The following ADAMTSL3 variants were observed in gnomAD, a reference collection of about 807,000 sequenced individuals.
The protein encoded by ADAMTSL3 is ADAMTS-like protein 3.
Under a neutral mutation model 201.7 loss-of-function variants are expected in ADAMTSL3, and 128 were observed. The observed-to-expected ratio is 0.63, with a 90% CI of 0.55 to 0.73. The LOEUF is 0.73. ADAMTSL3 is among the 30% of genes least tolerant of loss of function. The pLI is 0.00. For synonymous variants in ADAMTSL3, 738 were observed against 748.4 expected, an observed-to-expected ratio of 0.99 and a Z score of 0.23; for missense variants, 1,990 against 2,119.6, an observed-to-expected ratio of 0.94 and a Z score of 1.20.
chr15:84,020,056 C>T (rs1417453611), intron 25 of ADAMTSL3, among the ~76,000 whole-genome samples: 1 of 152,054 alleles, frequency 6.6e-6, no homozygotes, highest in Non-Finnish European at 1.5e-5. Context: ...GAAAATATTA[C>T]ATCCCTTGCT....
chr15:84,015,941 A>G (rs1437405393), intron 24 of ADAMTSL3, among the ~76,000 whole-genome samples: 1 of 152,156 alleles, frequency 6.6e-6, no homozygotes, highest in Non-Finnish European at 1.5e-5. Flanking sequence ...TTCCTCCACC[A>G]TCCTCTGCTC....
At chr15:83,712,255 G>A (rs1479332462) in intron 3 of ADAMTSL3, among the ~76,000 whole-genome samples, 1 of 152,114 alleles carries the variant, frequency 6.6e-6, no homozygotes, top group Non-Finnish European at 1.5e-5. Context: ...TTTATCCTTT[G>A]TTTATTGATT....
intron 2 of ADAMTSL3, among the ~76,000 whole-genome samples, chr15:83,695,242 G>T (rs371598424): frequency 3.5e-5 from 1 of 28,510 alleles, no homozygotes; most frequent in Non-Finnish European, 8.6e-5. Context: ...GTGTGTGTGT[G>T]TGTGTGTGTG....
intron 14 of ADAMTSL3, among the ~76,000 whole-genome samples, chr15:83,899,386 T>A (rs2065678843): frequency 6.6e-6 from 1 of 151,372 alleles, no homozygotes; most frequent in African/African-American, 2.4e-5. Flanking sequence ...AAGGCATTTT[T>A]ATGTTAACTT....
intron 4 of ADAMTSL3, among the ~76,000 whole-genome samples, chr15:83,793,481 T>G (rs1474616707): frequency 6.6e-6 from 1 of 151,894 alleles, no homozygotes; most frequent in Non-Finnish European, 1.5e-5. Flanking sequence ...TTGTTGTTGT[T>G]GTTGTTGTTG....
intron 2 of ADAMTSL3, among the ~76,000 whole-genome samples, chr15:83,660,294 C>T (rs964339039): frequency 1.3e-5 from 2 of 152,208 alleles, no homozygotes; most frequent in Admixed American, 6.5e-5. Context: ...CAAGTTCCCC[C>T]AGTTACCCCT....
intron 5 of ADAMTSL3, among the ~76,000 whole-genome samples, chr15:83,808,661 A>G (rs892510372): frequency 2.0e-5 from 3 of 152,230 alleles, no homozygotes; most frequent in African/African-American, 7.2e-5. Context: ...AGTATATCAC[A>G]GAGACATCCT....
chr15:84,004,790 T>G (rs80266731), intron 23 of ADAMTSL3, among the ~76,000 whole-genome samples: 189 of 152,292 alleles, frequency 1.2e-3, no homozygotes, highest in African/African-American at 4.3e-3. Flanking sequence ...GATGCGTCTT[T>G]AAGAATGAGG....
intron 23 of ADAMTSL3, among the ~76,000 whole-genome samples, chr15:84,010,362 C>T (rs188389611): frequency 5.9e-5 from 9 of 152,316 alleles, no homozygotes; most frequent in Non-Finnish European, 1.2e-4. Context: ...TTTTACTATA[C>T]AGTCAGTGCT....
At chr15:83,949,545 C>G (rs917648407) in intron 19 of ADAMTSL3, among the ~76,000 whole-genome samples, 5 of 152,052 alleles carry the variant, frequency 3.3e-5, no homozygotes, top group African/African-American at 1.2e-4. Flanking sequence ...ATTTCTAGAT[C>G]ATATGGTAGC....
intron 23 of ADAMTSL3, among the ~76,000 whole-genome samples, chr15:84,000,639 A>G (rs1347846895): frequency 6.6e-6 from 1 of 152,246 alleles, no homozygotes; most frequent in Non-Finnish European, 1.5e-5. Context: ...TGTGAAGTGT[A>G]TCAGACACAT....
intron 2 of ADAMTSL3, among the ~76,000 whole-genome samples, chr15:83,676,135 A>C (rs1263301396): frequency 2.1e-5 from 3 of 145,736 alleles, no homozygotes; most frequent in Non-Finnish European, 4.6e-5. Flanking sequence ...CCTTCTGGTC[A>C]CTTTTTTTCT....
chr15:83,703,623 A>G (rs932491486), intron 2 of ADAMTSL3, among the ~76,000 whole-genome samples: 2 of 152,068 alleles, frequency 1.3e-5, no homozygotes, highest in African/African-American at 4.8e-5. Context: ...GTCATGTCGG[A>G]AGTGCCTTTC....
intron 16 of ADAMTSL3, among the ~76,000 whole-genome samples, chr15:83,921,869 A>G (rs2066151849): frequency 6.7e-6 from 1 of 149,164 alleles, no homozygotes; most frequent in Non-Finnish European, 1.5e-5. Context: ...TTTTTTTTTT[A>G]GAGATGGGGT....
chr15:83,795,169 T>A (rs936902302), intron 4 of ADAMTSL3, among the ~76,000 whole-genome samples: 1 of 152,252 alleles, frequency 6.6e-6, no homozygotes. Context: ...ACATTTATTT[T>A]AAATAGAAGA....
chr15:83,977,485 C>A (rs939711410), intron 20 of ADAMTSL3, among the ~76,000 whole-genome samples: 1 of 151,982 alleles, frequency 6.6e-6, no homozygotes, highest in Non-Finnish European at 1.5e-5. Context: ...ACTACAAAAT[C>A]ATCCAAGGAA....
At chr15:83,985,542 T>C (rs2067459332) in intron 21 of ADAMTSL3, among the ~76,000 whole-genome samples, 1 of 152,198 alleles carries the variant, frequency 6.6e-6, no homozygotes, top group Non-Finnish European at 1.5e-5. Flanking sequence ...GTACTTCCCA[T>C]TGTGTCGTAT....
intron 2 of ADAMTSL3, among the ~76,000 whole-genome samples, chr15:83,673,767 A>G (rs1450337301): frequency 6.6e-6 from 1 of 152,202 alleles, no homozygotes; most frequent in Non-Finnish European, 1.5e-5. Context: ...CTGAGGTGCA[A>G]TTAATGAATC....
chr15:83,719,570 A>T (rs770829127), intron 3 of ADAMTSL3, among the ~76,000 whole-genome samples: 1 of 152,234 alleles, frequency 6.6e-6, no homozygotes, highest in Non-Finnish European at 1.5e-5. Context: ...ATGAATACAC[A>T]TAAAAATATT....
Sources: allele counts gnomAD v4.1 joint callset (sites outside exome capture counted in the v4.1 genomes callset), GRCh38; gene constraint gnomAD v4.1.1; transcripts MANE v1.5; gene names NCBI Gene and HGNC (gene_info 2026-07-23, HGNC 2026-07-21).